The following PSMA1 variants were observed in gnomAD, a reference collection of about 807,000 sequenced individuals.
PSMA1 encodes proteasome 20S subunit alpha 1.
A neutral mutation model predicts 38.4 loss-of-function variants in PSMA1; 3 were observed. The ratio of observed to expected loss-of-function variants is 0.08; its 90% CI spans 0.04 to 0.20. PSMA1 has a LOEUF of 0.20. PSMA1 is among the 10% of genes least tolerant of loss of function. The pLI is 1.00. For missense variants in PSMA1, 227 were observed against 325.3 expected, an observed-to-expected ratio of 0.70 and a Z score of 2.32; for synonymous variants, 101 against 107.1, an observed-to-expected ratio of 0.94 and a Z score of 0.35.
At chr11:14,594,843 T>C (rs1852465961) in intron 2 of PSMA1, among the ~76,000 whole-genome samples, 1 of 152,156 alleles carries the variant, frequency 6.6e-6, no homozygotes, top group Non-Finnish European at 1.5e-5. Flanking sequence ...ATGTGCCATG[T>C]TGGTTTGCTG....
At chr11:14,580,844 G>A (rs961113045) in intron 2 of PSMA1, among the ~76,000 whole-genome samples, 7 of 152,120 alleles carry the variant, frequency 4.6e-5, no homozygotes, top group Non-Finnish European at 7.4e-5. Flanking sequence ...GCATAATGGG[G>A]GTTGTTTAAG....
At chr11:14,613,320 C>T (rs1246179915) in intron 1 of PSMA1, among the ~76,000 whole-genome samples, 3 of 135,604 alleles carry the variant, frequency 2.2e-5, no homozygotes, top group African/African-American at 5.1e-5. Context: ...GGCACCATCT[C>T]GGCTCACTGC....
intron 2 of PSMA1, among the ~76,000 whole-genome samples, chr11:14,596,032 T>C (rs899565189): frequency 2.0e-5 from 3 of 152,236 alleles, no homozygotes; most frequent in African/African-American, 4.8e-5. Flanking sequence ...TTTGTCAGGT[T>C]TGTCAAAGAT....
At chr11:14,603,716 T>C (rs1424825242) in intron 2 of PSMA1, among the ~76,000 whole-genome samples, 3 of 152,254 alleles carry the variant, frequency 2.0e-5, no homozygotes, top group Non-Finnish European at 4.4e-5. Context: ...TAGATTCTTA[T>C]TGGACTTAAG....
intron 2 of PSMA1, among the ~76,000 whole-genome samples, chr11:14,567,425 T>C (rs74755518): frequency 3.1e-4 from 47 of 152,338 alleles, no homozygotes; most frequent in Non-Finnish European, 3.4e-4. Context: ...AAATATCTGG[T>C]ATAAAGAAGA....
At chr11:14,556,062 G>A (rs1179415254) in intron 2 of PSMA1, among the ~76,000 whole-genome samples, 1 of 152,186 alleles carries the variant, frequency 6.6e-6, no homozygotes, top group Admixed American at 6.5e-5. Context: ...AGCTGTTTGA[G>A]ATGCCCCCTT....
At chr11:14,565,148 A>G (rs1238851277) in intron 2 of PSMA1, among the ~76,000 whole-genome samples, 2 of 152,210 alleles carry the variant, frequency 1.3e-5, no homozygotes, top group Non-Finnish European at 2.9e-5. Flanking sequence ...GAATTGCTCT[A>G]TTTAAACTAA....
intron 2 of PSMA1, among the ~76,000 whole-genome samples, chr11:14,567,001 A>G (rs567018215): frequency 2.1e-3 from 315 of 152,340 alleles, no homozygotes; most frequent in Non-Finnish European, 3.8e-3. Flanking sequence ...TCAGGCTGGA[A>G]TCAGTGCCAT....
intron 1 of PSMA1, among the ~76,000 whole-genome samples, chr11:14,615,334 A>T (rs996981088): frequency 6.6e-6 from 1 of 152,184 alleles, no homozygotes; most frequent in Admixed American, 6.5e-5. Context: ...CTGCGTCCTC[A>T]GAGGTTGACC....
chr11:14,543,079 C>A (rs1203587975), intron 2 of PSMA1, among the ~76,000 whole-genome samples: 1 of 152,210 alleles, frequency 6.6e-6, no homozygotes, highest in Non-Finnish European at 1.5e-5. Flanking sequence ...AATCCACCCA[C>A]CTTGGCCTCC....
chr11:14,517,107 C>T (rs560147488), intron 4 of PSMA1, among the ~76,000 whole-genome samples: 2 of 152,270 alleles, frequency 1.3e-5, no homozygotes, highest in South Asian at 4.1e-4. Context: ...TAATCTGTCT[C>T]TTCTAGACTC....
chr11:14,519,087 A>T, intron 1 of PSMA1, 46 bp from the exon 2 acceptor site: 1 of 1,400,624 alleles, frequency 7.1e-7, no homozygotes, highest in African/African-American at 1.4e-5. Context: ...GAACATTTCA[A>T]ATCCCAACTC....
intron 7 of PSMA1, among the ~76,000 whole-genome samples, chr11:14,512,903 CT>C (rs2134145301): frequency 6.6e-6 from 1 of 152,328 alleles, no homozygotes; most frequent in South Asian, 2.1e-4. Flanking sequence ...AAGGAATCCT[CT>C]TTTCCCAAAG....
chr11:14,605,991 T>C (rs1343097807), intron 2 of PSMA1, among the ~76,000 whole-genome samples: 16 of 152,276 alleles, frequency 1.1e-4, no homozygotes, highest in Admixed American at 8.5e-4. Flanking sequence ...GATTTTCTTC[T>C]AGAATTCTTC....
intron 2 of PSMA1, among the ~76,000 whole-genome samples, chr11:14,587,545 A>T (rs952781664): frequency 6.6e-6 from 1 of 150,668 alleles, no homozygotes; most frequent in African/African-American, 2.4e-5. Context: ...TGCATAATGA[A>T]TCCTCTGTTG....
chr11:14,628,209 C>T (rs1451531425), intron 1 of PSMA1, among the ~76,000 whole-genome samples: 1 of 151,478 alleles, frequency 6.6e-6, no homozygotes, highest in African/African-American at 2.4e-5. Context: ...GGTACACGTG[C>T]ACATTGTGCA....
intron 2 of PSMA1, among the ~76,000 whole-genome samples, chr11:14,541,534 A>C (rs1360174173): frequency 6.6e-6 from 1 of 152,242 alleles, no homozygotes; most frequent in Non-Finnish European, 1.5e-5. Context: ...TCTCACAGAC[A>C]GTCCCTTCCG....
chr11:14,535,749 A>G (rs527657394), intron 2 of PSMA1, among the ~76,000 whole-genome samples: 12 of 152,028 alleles, frequency 7.9e-5, no homozygotes, highest in Non-Finnish European at 1.6e-4. Context: ...CCGGCCATTC[A>G]TGGGAAAATT....
intron 2 of PSMA1, among the ~76,000 whole-genome samples, chr11:14,590,651 T>C (rs1444783512): frequency 1.3e-5 from 2 of 152,134 alleles, no homozygotes; most frequent in Non-Finnish European, 2.9e-5. Context: ...GGGAATGAGT[T>C]GGTTGTTGGT....
Sources: gnomAD v4.1 joint callset for allele counts (sites outside exome capture counted in the v4.1 genomes callset) on GRCh38, gnomAD v4.1.1 for gene constraint, MANE v1.5 for transcripts, NCBI Gene and HGNC (gene_info 2026-07-23, HGNC 2026-07-21) for gene names.